The following CPLANE1 variants were observed in gnomAD, a reference collection of about 807,000 sequenced individuals.
CPLANE1 encodes ciliogenesis and planar polarity effector 1.
CPLANE1 carries 263 observed loss-of-function variants against 362.5 expected under a neutral mutation model. The observed-to-expected ratio is 0.73, with a 90% CI of 0.66 to 0.80. The LOEUF (loss-of-function observed/expected upper bound fraction) is 0.80. CPLANE1 is among the 30% of genes least tolerant of loss of function. The pLI is 0.00. For synonymous variants in CPLANE1, 1,212 were observed against 1,302.6 expected, an observed-to-expected ratio of 0.93 and a Z score of 1.50; for missense variants, 3,461 against 3,793.4, an observed-to-expected ratio of 0.91 and a Z score of 2.30.
chr5:37,242,086 T>C (rs1800660778), intron 6 of CPLANE1, among the ~76,000 whole-genome samples: 1 of 152,180 alleles, frequency 6.6e-6, no homozygotes, highest in South Asian at 2.1e-4. Context: ...CTGGGTGAGG[T>C]GGCTCATGCC....
chr5:37,226,775 T>TA lies in CPLANE1; in HGVS notation c.1819dup (p.Tyr607LeufsTer12), dbSNP rs777686211. 18 of 1,539,920 alleles carry TA rather than the reference T, an allele frequency of 1.2e-5. No homozygotes were observed. Among genetic ancestry groups the TA allele is most frequent in the Admixed American group, 2.1e-5 (1 of 48,494 alleles). On this transcript the variant is annotated frameshift_variant, in exon 12 of 53. Transcript: ENST00000651892. Reference sequence around the variant, plus strand: ...AGGACATTTTATAAATTGAAGAATGTAAAAAAAATGAGTGATACAAACTAC... The same window carrying TA: ...AGGACATTTTATAAATTGAAGAATGTAAAAAAAAATGAGTGATACAAACTAC...
rs780722273 is a variant in CPLANE1, at chr5:37,173,726, T to C, written c.6171+29A>G. ...ACCCTACATGTACACTATGTGTAGATTTACTTACTTATATAGAGATGTGCT... is the reference window on the plus strand; with the variant it reads ...ACCCTACATGTACACTATGTGTAGACTTACTTACTTATATAGAGATGTGCT... On this transcript the variant is annotated intron_variant, in intron 32 of 52. Coordinates refer to ENST00000651892, the MANE Select transcript of CPLANE1 (RefSeq NM_001384732.1). The C allele has an allele frequency of 3.8e-6, 6 of 1,574,934 alleles. No homozygotes were observed. In the Admixed American group the frequency reaches 5.1e-5, roughly 13 times the overall value.
At chr5:37,133,139 A>G (rs1766472642) in intron 46 of CPLANE1, among the ~76,000 whole-genome samples, 1 of 152,116 alleles carries the variant, frequency 6.6e-6, no homozygotes, top group African/African-American at 2.4e-5. Context: ...CTGTATGTCC[A>G]TCTTTGTACC....
At chr5:37,090,112 A>T in the CPLANE1 span, among the ~76,000 whole-genome samples, 1 of 152,230 alleles carries the variant, frequency 6.6e-6, no homozygotes, top group African/African-American at 2.4e-5. Context: ...GGTTAAATTA[A>T]AGACTAGCAA....
Position 37,183,598 on chromosome 5 carries a change from T to G in CPLANE1, c.4583A>C (p.Glu1528Ala). The G allele has an allele frequency of 6.2e-7, 1 of 1,612,762 alleles. No individual in the cohort carries two copies. Among genetic ancestry groups the G allele is most frequent in the Non-Finnish European group, 8.5e-7 (1 of 1,179,270 alleles). Residue 1528 changes from glutamate (E) to alanine (A), a missense_variant, in exon 26 of 53, where the codon GAA becomes GCA. By Grantham distance (107) the Glu-to-Ala change is moderately radical. Transcript: ENST00000651892. ...AGGAAGTGTATTTTGTGATAACTTT[T>G]CATGATCTTCTTTCTTTGTAGGATT... ...KENPTKKEDH[E>A]KLSQNTLPVI...
At position 37,198,897 on chromosome 5, in the gene CPLANE1, G is replaced by T. The variant is rs567131860; in HGVS notation, c.3508-31C>A. The T allele has an allele frequency of 3.8e-6, 6 of 1,597,934 alleles. No homozygotes were observed. In the African/African-American group the frequency reaches 5.4e-5, roughly 14 times the overall value. ...GAAAATAAAACAATCCATTTTAGTG[G>T]CTAGTAATGAGAAAATTTAGAATGT... On this transcript the variant is annotated intron_variant, in intron 19 of 52. Transcript: ENST00000651892.
At position 37,244,474 on chromosome 5, in the gene CPLANE1, C is replaced by T. The variant is rs1330398981; in HGVS notation, c.471G>A (p.Leu157=). ...KNILSSKSLS[L]AGRWSQVIPE... ...GTATGACCTGGGACCACCGACCCGC[C>T]AATGAAAGGCTTTTAGAAGATAAGA... Residue 157 remains leucine, a synonymous_variant, in exon 5 of 53, where the codon TTG becomes TTA. Coordinates refer to ENST00000651892, the MANE Select transcript of CPLANE1 (RefSeq NM_001384732.1). The T allele has an allele frequency of 1.1e-5, 17 of 1,551,832 alleles. No individual in the cohort carries two copies. Among genetic ancestry groups the T allele is most frequent in the Non-Finnish European group, 1.5e-5 (17 of 1,147,020 alleles).
rs182194638 is a variant in CPLANE1, at chr5:37,213,144, G to A, written c.2920+415C>T. On this transcript the variant is annotated intron_variant, in intron 16 of 52. Coordinates refer to ENST00000651892, the MANE Select transcript of CPLANE1 (RefSeq NM_001384732.1). The stretch of plus-strand genomic sequence containing the variant: ...AATTGCTTGAACCCAGGAGGTGGAG[G>A]TTGCAGTTAGCCAAGATCACACCAT... 4.2e-3 allele frequency among the ~76,000 whole-genome samples: 638 copies of A among 152,288 alleles called. 4 individuals are homozygous for A. The highest frequency in any genetic ancestry group is 6.7e-3 in the Non-Finnish European group (453 of 68,032).
At chr5:37,147,719 T>C (rs571875087) in intron 43 of CPLANE1, among the ~76,000 whole-genome samples, 33 of 151,574 alleles carry the variant, frequency 2.2e-4, no homozygotes, top group Non-Finnish European at 4.0e-4. Flanking sequence ...CAGCAGAAGG[T>C]AAAAACAACT....
At chr5:37,093,605 A>G in the CPLANE1 span, among the ~76,000 whole-genome samples, 1 of 152,204 alleles carries the variant, frequency 6.6e-6, no homozygotes, top group African/African-American at 2.4e-5. Flanking sequence ...CTAGCAGAGA[A>G]TGTTGCTAAT....
chr5:37,221,116 AG>A (rs1193535497), intron 15 of CPLANE1, among the ~76,000 whole-genome samples: 1 of 152,242 alleles, frequency 6.6e-6, no homozygotes. Flanking sequence ...CCAGAGAGGT[AG>A]AACAACCAAC....
chr5:37,106,931 T>A lies in CPLANE1; in HGVS notation c.*671A>T. ...AATCAGGTCTCTGTACCATGGTTCT[T>A]ACAAATTTAAGATGAGCCTTCTAGA... On this transcript the variant is annotated 3_prime_UTR_variant, in exon 53 of 53. Transcript: ENST00000651892. 4.1e-6 allele frequency: 4 copies of A among 985,386 alleles called. No individual in the cohort carries two copies. Among genetic ancestry groups the A allele is most frequent in the Non-Finnish European group, 4.8e-6 (4 of 829,884 alleles). The allele number at this position is 985,386 out of a possible 1,614,324, so 61.0% of individuals were successfully genotyped here.
chr5:37,169,032 T>A lies in CPLANE1; in HGVS notation c.6992A>T (p.Asp2331Val). The change falls in exon 34 of 53, where the codon GAC becomes GTC. Residue 2331 changes from aspartate to valine, a missense_variant. Physicochemically the swap from Asp to Val is radical, Grantham distance 152 (BLOSUM62 -3). Around this residue, in one of 2 missense-constraint regions of CPLANE1, gnomAD observed 3,380 missense variants for 3,666.1 expected, o/e 0.92. Transcript: ENST00000651892. ...TTCTGGTTTTATAAACACTGAAGAG[T>A]CCTGTTGAGGTGTCAAATTTTCTTG... ...VGQENLTPQQDSSVFIKPEKL... is the reference protein window; with the variant it reads ...VGQENLTPQQVSSVFIKPEKL... The A allele has an allele frequency of 6.2e-7, 1 of 1,614,092 alleles. No individual in the cohort carries two copies. The highest frequency in any genetic ancestry group is 8.5e-7 in the Non-Finnish European group (1 of 1,180,016).
intron 16 of CPLANE1, chr5:37,211,681 C>T (rs188159460): frequency 2.9e-5 from 23 of 785,128 alleles, no homozygotes; most frequent in Admixed American, 2.4e-4. Flanking sequence ...AGAATGCCCC[C>T]GCCATCACCC....
At chr5:37,144,166 T>C (rs1770698685) in intron 43 of CPLANE1, among the ~76,000 whole-genome samples, 1 of 151,210 alleles carries the variant, frequency 6.6e-6, no homozygotes, top group Non-Finnish European at 1.5e-5. Flanking sequence ...TCCCAGCACT[T>C]TGGGAGGCCA....
downstream of CPLANE1, among the ~76,000 whole-genome samples, chr5:37,105,656 T>C (rs528703701): frequency 6.6e-5 from 10 of 152,028 alleles, no homozygotes; most frequent in South Asian, 1.9e-3. Flanking sequence ...AAAGCAAAAA[T>C]TGACAAATAG....
At chr5:37,101,751 G>A (rs1757302738), downstream of CPLANE1, among the ~76,000 whole-genome samples, 1 of 152,066 alleles carries the variant, frequency 6.6e-6, no homozygotes, top group Admixed American at 6.5e-5. Context: ...TGGTTGGGAG[G>A]CTATTTGTAA....
At position 37,106,709 on chromosome 5, in the gene CPLANE1, T is replaced by A. The variant is rs960311768; in HGVS notation, c.*893A>T. ...TGCTTCTGCATTCAACTTGCTGCAA[T>A]ACATGTTGTAAAACCTGGCTTCACA... On this transcript the variant is annotated 3_prime_UTR_variant, in exon 53 of 53. Transcript: ENST00000651892. The A allele has an allele frequency of 2.4e-6, 1 of 419,876 alleles. No individual in the cohort carries two copies. The highest frequency in any genetic ancestry group is 2.2e-5 in the African/African-American group (1 of 46,448). The allele number at this position is 419,876 out of a possible 1,614,324, so 26.0% of individuals were successfully genotyped here.
intron 46 of CPLANE1, among the ~76,000 whole-genome samples, chr5:37,134,918 C>T (rs13189308): frequency 0.18 from 27,089 of 151,738 alleles, 2,850 homozygotes; most frequent in East Asian, 0.35. Context: ...CTCAGCCTCC[C>T]GAGTAGCTGG....
Sources: gnomAD v4.1 joint callset for allele counts (sites outside exome capture counted in the v4.1 genomes callset) on GRCh38, gnomAD v4.1.1 for gene constraint, gnomAD v4.1.1 regional missense constraint, MANE v1.5 for transcripts, NCBI Gene and HGNC (gene_info 2026-07-23, HGNC 2026-07-21) for gene names.